The following SGCD variants were observed in gnomAD, a reference collection of about 807,000 sequenced individuals.
SGCD encodes sarcoglycan delta, also known as delta-sarcoglycan.
In SGCD, 18 loss-of-function variants were observed where a neutral mutation model predicts 36.6. That is an observed-to-expected ratio of 0.49 (90% CI 0.34 to 0.73). SGCD has a LOEUF of 0.73. Among genes scored for constraint, SGCD ranks in the 30% least tolerant of loss-of-function variants. The probability of loss-of-function intolerance (pLI) is 0.01; values close to 1 mark genes in which losing one functional copy is unlikely to be tolerated. For missense variants in SGCD, 387 were observed against 346.7 expected (o/e 1.12, Z -0.92); for synonymous variants, 133 against 130.6 (o/e 1.02, Z -0.12).
At chr5:155,830,746 C>T in the SGCD span, among the ~76,000 whole-genome samples, 7 of 152,148 alleles carry the variant, frequency 4.6e-5, no homozygotes, top group East Asian at 1.9e-4. Flanking sequence ...TGAAGTCATT[C>T]TCATACGACC....
chr5:156,105,737 G>A (rs185011315), intron 1 of SGCD, among the ~76,000 whole-genome samples: 22 of 152,114 alleles, frequency 1.4e-4, no homozygotes, highest in Admixed American at 1.2e-3. Context: ...CTTAAATTTA[G>A]GACAGTGTGA....
intron 6 of SGCD, among the ~76,000 whole-genome samples, chr5:156,609,027 G>A (rs1199945080): frequency 6.6e-6 from 1 of 152,012 alleles, no homozygotes; most frequent in Non-Finnish European, 1.5e-5. Context: ...TTTAATTGGA[G>A]CATTTAGCCC....
At chr5:155,897,142 C>T (rs1416026423) in intron 1 of SGCD, among the ~76,000 whole-genome samples, 3 of 152,140 alleles carry the variant, frequency 2.0e-5, no homozygotes, top group East Asian at 1.9e-4. Context: ...TAAACCTGGA[C>T]GGTACAGCCT....
chr5:156,326,762 G>A (rs1580823280), upstream of SGCD: 2 of 152,352 alleles, frequency 1.3e-5, no homozygotes, highest in East Asian at 1.9e-4. Flanking sequence ...AAGAAAGAGA[G>A]GACTTATCTC....
At chr5:156,024,079 C>A (rs1172052733) in intron 1 of SGCD, among the ~76,000 whole-genome samples, 1 of 152,130 alleles carries the variant, frequency 6.6e-6, no homozygotes, top group Non-Finnish European at 1.5e-5. Flanking sequence ...GCCAAGGCTG[C>A]AGATTCTGGA....
At chr5:155,741,773 A>T in the SGCD span, among the ~76,000 whole-genome samples, 4 of 149,400 alleles carry the variant, frequency 2.7e-5, no homozygotes, top group African/African-American at 4.9e-5. Context: ...GCTCATTGCA[A>T]CCTCTGCCTC....
chr5:156,321,237 G>A (rs1472952370), intron 3 of SGCD, among the ~76,000 whole-genome samples: 1 of 152,102 alleles, frequency 6.6e-6, no homozygotes, highest in Non-Finnish European at 1.5e-5. Context: ...GGCTAACATG[G>A]TGAAACCCCA....
At chr5:155,918,064 A>G (rs1239288358) in intron 1 of SGCD, among the ~76,000 whole-genome samples, 1 of 152,206 alleles carries the variant, frequency 6.6e-6, no homozygotes, top group Non-Finnish European at 1.5e-5. Context: ...CTGGATGGCC[A>G]AATATGACAA....
intron 7 of SGCD, among the ~76,000 whole-genome samples, chr5:156,742,243 C>A (rs1381629275): frequency 6.6e-6 from 1 of 152,128 alleles, no homozygotes; most frequent in South Asian, 2.1e-4. Flanking sequence ...AAATACTCCA[C>A]CAACCACAAT....
At chr5:156,731,726 T>C (rs901409624) in intron 7 of SGCD, among the ~76,000 whole-genome samples, 4 of 152,210 alleles carry the variant, frequency 2.6e-5, no homozygotes, top group Admixed American at 1.3e-4. Flanking sequence ...CAATGGTAGT[T>C]TAATAGGCAT....
chr5:155,731,754 C>G, the SGCD span, among the ~76,000 whole-genome samples: 1 of 152,156 alleles, frequency 6.6e-6, no homozygotes, highest in East Asian at 1.9e-4. Context: ...TCAGTAGCTT[C>G]CGAGAAATAC....
chr5:156,622,298 T>A (rs2113502068), intron 6 of SGCD, among the ~76,000 whole-genome samples: 1 of 151,642 alleles, frequency 6.6e-6, no homozygotes, highest in South Asian at 2.1e-4. Context: ...TGTGGCATGG[T>A]GGTGGGCGCC....
the SGCD span, among the ~76,000 whole-genome samples, chr5:155,851,654 C>T: frequency 6.6e-6 from 1 of 152,128 alleles, no homozygotes; most frequent in Admixed American, 6.6e-5. Flanking sequence ...ATAATAAATG[C>T]TCTCTCTATG....
intron 7 of SGCD, among the ~76,000 whole-genome samples, chr5:156,652,954 C>T (rs1763519031): frequency 6.6e-6 from 1 of 152,052 alleles, no homozygotes; most frequent in African/African-American, 2.4e-5. Context: ...GCTATTTAAT[C>T]ATGGTAAATT....
the SGCD span, among the ~76,000 whole-genome samples, chr5:155,744,764 A>T: frequency 2.2e-3 from 337 of 152,330 alleles, 1 homozygote; most frequent in African/African-American, 7.8e-3. Context: ...GGATAAACTG[A>T]AAAGTTTGTT....
intron 7 of SGCD, among the ~76,000 whole-genome samples, chr5:156,685,979 G>A (rs927953367): frequency 1.3e-5 from 2 of 152,132 alleles, no homozygotes; most frequent in Non-Finnish European, 2.9e-5. Context: ...TAGACTTATC[G>A]TGAGTTTACT....
At chr5:156,632,439 G>C (rs958260437) in intron 6 of SGCD, among the ~76,000 whole-genome samples, 2 of 152,186 alleles carry the variant, frequency 1.3e-5, no homozygotes, top group African/African-American at 4.8e-5. Flanking sequence ...TATGCAGATA[G>C]GACACCTTAT....
intron 7 of SGCD, among the ~76,000 whole-genome samples, chr5:156,702,633 T>A (rs1335579016): frequency 1.3e-5 from 2 of 152,188 alleles, no homozygotes; most frequent in African/African-American, 4.8e-5. Flanking sequence ...CTTTTTCTTA[T>A]GTGGCAATAG....
At chr5:156,428,804 A>G (rs1252285478) in intron 3 of SGCD, among the ~76,000 whole-genome samples, 1 of 152,126 alleles carries the variant, frequency 6.6e-6, no homozygotes, top group Admixed American at 6.6e-5. Flanking sequence ...ACATCATTCA[A>G]GAGCAGATTA....
Sources: gnomAD v4.1 joint callset for allele counts (sites outside exome capture counted in the v4.1 genomes callset) on GRCh38, gnomAD v4.1.1 for gene constraint, MANE v1.5 for transcripts, NCBI Gene and HGNC (gene_info 2026-07-23, HGNC 2026-07-21) for gene names.